LY6H: variants seen among roughly 807,000 people sequenced by gnomAD.
The protein encoded by LY6H is lymphocyte antigen 6H.
LY6H carries 8 observed loss-of-function variants against 14.6 expected under a neutral mutation model. The observed-to-expected ratio is 0.55, with a 90% CI of 0.32 to 0.99. The LOEUF is 0.99. LY6H is among the 50% of genes least tolerant of loss of function. The probability of loss-of-function intolerance (pLI) is 0.04; values close to 1 mark genes in which losing one functional copy is unlikely to be tolerated. For missense variants in LY6H, 196 were observed against 219.6 expected, an observed-to-expected ratio of 0.89 and a Z score of 0.68; for synonymous variants, 115 against 97.2, an observed-to-expected ratio of 1.18 and a Z score of -1.08.
intron 1 of LY6H, chr8:143,159,926 G>A (rs1815557076): frequency 8.1e-7 from 1 of 1,229,274 alleles, no homozygotes; most frequent in East Asian, 3.2e-5. Context: ...CCTCCGCCCC[G>A]CGCCGGCACC....
chr8:143,159,941 TGG>T, intron 1 of LY6H: 11 of 1,233,316 alleles, frequency 8.9e-6, no homozygotes, highest in Non-Finnish European at 1.1e-5. Flanking sequence ...GGCACCTGTG[TGG>T]GGGAGCGGAT....
At chr8:143,160,156 G>A (rs751647702) in intron 1 of LY6H, 42 bp downstream of exon 1, 2 of 1,270,278 alleles carry the variant, frequency 1.6e-6, no homozygotes, top group East Asian at 2.9e-5. Flanking sequence ...CACCGCGGAT[G>A]GGGCGTGGAG....
chr8:143,160,366 C>T, upstream of LY6H: 1 of 321,060 alleles, frequency 3.1e-6, no homozygotes, highest in Non-Finnish European at 5.0e-6. Flanking sequence ...GCGGGGGCCG[C>T]GCGGGGGGCG....
chr8:143,160,283 C>CGGGCGCAGCCTCGTCTTTCGGG lies in LY6H; in HGVS notation c.-106_-85dup, dbSNP rs1815568675. 8.8e-7 allele frequency: 1 copy of CGGGCGCAGCCTCGTCTTTCGGG among 1,138,012 alleles called. No individual in the cohort carries two copies. The highest frequency in any genetic ancestry group is 1.1e-6 in the Non-Finnish European group (1 of 895,106). 70.5% of individuals were successfully genotyped at this position (1,138,012 alleles called of 1,614,324 possible). A position where few individuals can be genotyped will look rare whatever the true frequency, so the allele number is the denominator to read the frequency against. On this transcript the variant is annotated 5_prime_UTR_variant, in exon 1 of 4. Coordinates refer to ENST00000342752, the MANE Select transcript of LY6H (RefSeq NM_001135655.2). Reference sequence around the variant, plus strand: ...TTCGGTCTCCCTGCGGACCGGAATCCGGGCGCAGCCTCGTCTTTCGGGGAA... The same window carrying CGGGCGCAGCCTCGTCTTTCGGG: ...TTCGGTCTCCCTGCGGACCGGAATCCGGGCGCAGCCTCGTCTTTCGGGGGGCGCAGCCTCGTCTTTCGGGGAA...
upstream of LY6H, chr8:143,160,386 G>A (rs1284412496): frequency 3.0e-5 from 6 of 199,742 alleles, no homozygotes; most frequent in South Asian, 3.2e-4. Context: ...GGGGGCGGCT[G>A]GGAGACGCGC....
rs1393606273 is a variant in LY6H, at chr8:143,159,663, TG to T, written c.48del (p.Arg17GlyfsTer11). On this transcript the variant is annotated frameshift_variant, in exon 2 of 4. Transcript: ENST00000342752. LOFTEE classifies it high-confidence loss of function. Reference protein sequence around the residue: ...RTRAPSPRAAPRPTRSMLPAA... With the variant: ...RTRAPSPRAAXRPTRSMLPAA... ...GCAGGCAGCATGCTCCGGGTGGGCCTGGGGGCGGCGCGGGGGCTTGGGGCGC... is the reference window on the plus strand; with the variant it reads ...GCAGGCAGCATGCTCCGGGTGGGCCTGGGGCGGCGCGGGGGCTTGGGGCGC... 3.6e-6 allele frequency: 5 copies of T among 1,407,350 alleles called. No homozygotes were observed. Among genetic ancestry groups the T allele is most frequent in the South Asian group, 3.1e-5 (2 of 64,582 alleles). The allele number at this position is 1,407,350 out of a possible 1,614,324, so 87.2% of individuals were successfully genotyped here. A position where few individuals can be genotyped will look rare whatever the true frequency, so the allele number is the denominator to read the frequency against.
Position 143,160,242 on chromosome 8 carries a change from G to A in LY6H, c.-43C>T. On this transcript the variant is annotated 5_prime_UTR_variant, in exon 1 of 4. Coordinates refer to ENST00000342752, the MANE Select transcript of LY6H (RefSeq NM_001135655.2). ...TCCGGGCTCGGGCGGCGTGCGCGGC[G>A]CGGGGAGCTGTGCCCTTCGGTCTCC... 1 of 1,276,942 alleles carries A rather than the reference G, an allele frequency of 7.8e-7. No individual in the cohort carries two copies. The highest frequency in any genetic ancestry group is 3.2e-5 in the Admixed American group (1 of 31,354). 79.1% of individuals were successfully genotyped at this position (1,276,942 alleles called of 1,614,324 possible).
intron 2 of LY6H, chr8:143,159,223 C>A: frequency 1.8e-6 from 1 of 565,318 alleles, no homozygotes; most frequent in Non-Finnish European, 3.2e-6. Flanking sequence ...GCCCCCCTCA[C>A]ACTCCCGCCC....
upstream of LY6H, chr8:143,160,558 A>C (rs993120140): frequency 4.6e-5 from 7 of 151,024 alleles, no homozygotes; most frequent in African/African-American, 1.7e-4. Context: ...AGGCGTGGGC[A>C]GGATCCCTTC....
rs749376436 is a variant in LY6H at position 143,158,415 on chromosome 8, T to C, written c.321A>G (p.Ser107=). 4 of 1,613,894 alleles carry C rather than the reference T, an allele frequency of 2.5e-6. No individual in the cohort carries two copies. The highest frequency in any genetic ancestry group is 1.7e-6 in the Non-Finnish European group (2 of 1,179,966). The change falls in exon 4 of 4, where the codon TCA becomes TCG. Residue 107 remains serine, a synonymous_variant. Transcript: ENST00000342752. ...AGTTAATAAACCCCATCAGATAGTCTGAGAAAAAGTGTCGCTTAACGAAGT... is the reference window on the plus strand; with the variant it reads ...AGTTAATAAACCCCATCAGATAGTCCGAGAAAAAGTGTCGCTTAACGAAGT... ...SCDFVKRHFF[S]DYLMGFINSG...
At chr8:143,159,058 T>A in intron 2 of LY6H, 136 bp from the exon 3 acceptor site, 1 of 1,263,858 alleles carries the variant, frequency 7.9e-7, no homozygotes, top group Non-Finnish European at 1.1e-6. Context: ...CAGGCCCCCA[T>A]GACCCCTGGA....
At chr8:143,159,765 T>A (rs901492711) in intron 1 of LY6H, 56 bp from the exon 2 acceptor site, 2 of 1,315,294 alleles carry the variant, frequency 1.5e-6, no homozygotes, top group Non-Finnish European at 9.7e-7. Context: ...TTTCCCAGCC[T>A]CAGGATGCAA....
In LY6H at chr8:143,159,651, T is replaced by G. The variant is rs1815547671; in HGVS notation, c.61A>C (p.Ser21Arg). 1 of 1,434,460 alleles carries G rather than the reference T, an allele frequency of 7.0e-7. No homozygotes were observed. Among genetic ancestry groups the G allele is most frequent in the Non-Finnish European group, 9.1e-7 (1 of 1,104,440 alleles). The allele number at this position is 1,434,460 out of a possible 1,614,324, so 88.9% of individuals were successfully genotyped here. ...CCCTTCATGGCTGCAGGCAGCATGC[T>G]CCGGGTGGGCCTGGGGGCGGCGCGG... The part of the protein sequence containing the change: ...SPRAAPRPTR[S>R]MLPAAMKGLG... The change falls in exon 2 of 4, where the codon AGC (serine) becomes CGC (arginine). Residue 21 changes from serine (S) to arginine (R), a missense_variant. Transcript: ENST00000342752.
Position 143,158,486 on chromosome 8 carries a change from C to T in LY6H, c.251-1G>A. On this transcript the variant is annotated splice_acceptor_variant, in intron 3 of 3. Coordinates refer to ENST00000342752, the MANE Select transcript of LY6H (RefSeq NM_001135655.2). LOFTEE classifies it high-confidence loss of function. The stretch of plus-strand genomic sequence containing the variant: ...TTGTTCACCGAGTGATCCTTCCTGC[C>T]TGGGAAGAGAAAGCGTGGCCTGGGA... 6.2e-7 allele frequency: 1 copy of T among 1,609,460 alleles called. No homozygotes were observed. The highest frequency in any genetic ancestry group is 1.1e-5 in the South Asian group (1 of 91,010).
chr8:143,157,930 T>G lies in LY6H; in HGVS notation c.*320A>C. Reference sequence around the variant, plus strand: ...AGACCCGGGTCTCAGGACTCAAAAGTGACTTTATTTCTCCGCAGAAGACGC... The same window carrying G: ...AGACCCGGGTCTCAGGACTCAAAAGGGACTTTATTTCTCCGCAGAAGACGC... On this transcript the variant is annotated 3_prime_UTR_variant, in exon 4 of 4. Transcript: ENST00000342752. 1 of 357,608 alleles carries G rather than the reference T, an allele frequency of 2.8e-6. No homozygotes were observed. The highest frequency in any genetic ancestry group is 5.0e-6 in the Non-Finnish European group (1 of 199,650). 22.2% of individuals were successfully genotyped at this position (357,608 alleles called of 1,614,324 possible).
chr8:143,158,653 G>T (rs1815512073), intron 3 of LY6H, 150 bp downstream of exon 3: 5 of 1,228,064 alleles, frequency 4.1e-6, no homozygotes, highest in Non-Finnish European at 5.7e-6. Flanking sequence ...GGGCCACCAA[G>T]GAGCCAGGGG....
At chr8:143,158,943 A>G in intron 2 of LY6H, 21 bp from the exon 3 acceptor site, 1 of 1,611,968 alleles carries the variant, frequency 6.2e-7, no homozygotes, top group Non-Finnish European at 8.5e-7. Context: ...CATGGGGAGG[A>G]GGGTGACCAG....
chr8:143,158,666 G>T, intron 3 of LY6H, 137 bp downstream of exon 3: 1 of 1,265,378 alleles, frequency 7.9e-7, no homozygotes, highest in Non-Finnish European at 1.1e-6. Context: ...GCCAGGGGGG[G>T]ACAGCAGGAC....
chr8:143,158,732 G>A (rs1196173922), intron 3 of LY6H, 71 bp downstream of exon 3: 67 of 1,527,212 alleles, frequency 4.4e-5, no homozygotes, highest in South Asian at 1.7e-4. Flanking sequence ...GAGGGGCTCC[G>A]AGGACACCTC....
Sources: allele counts gnomAD v4.1 joint callset, GRCh38; gene constraint gnomAD v4.1.1; transcripts MANE v1.5; gene names NCBI Gene and HGNC (gene_info 2026-07-23, HGNC 2026-07-21).